CNBD1: variants seen among roughly 807,000 people sequenced by gnomAD.
The protein encoded by CNBD1 is cyclic nucleotide binding domain containing 1, also known as cyclic nucleotide-binding domain-containing protein 1.
CNBD1 carries 71 observed loss-of-function variants against 54.4 expected under a neutral mutation model. The ratio of observed to expected loss-of-function variants is 1.30; its 90% CI spans 1.08 to 1.59. CNBD1 has a LOEUF of 1.59. CNBD1 is among the 40% of genes most tolerant of loss of function. CNBD1 has a pLI of 0.00. For synonymous variants in CNBD1, 182 were observed against 170.7 expected (o/e 1.07, Z -0.51); for missense variants, 659 against 518.0 (o/e 1.27, Z -2.64).
At chr8:87,315,661 A>G (rs570552417) in intron 8 of CNBD1, among the ~76,000 whole-genome samples, 2 of 152,110 alleles carry the variant, frequency 1.3e-5, no homozygotes, top group African/African-American at 2.4e-5. Context: ...ATTAAGCTCA[A>G]CCTTCAACAT....
chr8:87,247,528 A>G (rs1230599881), intron 6 of CNBD1, among the ~76,000 whole-genome samples: 2 of 152,214 alleles, frequency 1.3e-5, no homozygotes, highest in African/African-American at 4.8e-5. Context: ...CCCTGGAGTG[A>G]CAGATTAAAT....
chr8:87,123,311 A>ATTATATCAAG (rs942346324), intron 4 of CNBD1, among the ~76,000 whole-genome samples: 1 of 151,796 alleles, frequency 6.6e-6, no homozygotes, highest in Admixed American at 6.6e-5. Flanking sequence ...AAGTATTTAA[A>ATTATATCAAG]TTATATCAAG....
chr8:86,877,266 A>G (rs538565186), intron 1 of CNBD1, among the ~76,000 whole-genome samples: 1 of 152,236 alleles, frequency 6.6e-6, no homozygotes, highest in South Asian at 2.1e-4. Context: ...TATTTATACT[A>G]TCTCCATTAT....
At chr8:86,935,505 A>G (rs1445213386) in intron 3 of CNBD1, among the ~76,000 whole-genome samples, 1 of 152,166 alleles carries the variant, frequency 6.6e-6, no homozygotes, top group African/African-American at 2.4e-5. Context: ...GTATTTGTTC[A>G]TCTAAATTTT....
intron 4 of CNBD1, among the ~76,000 whole-genome samples, chr8:87,136,566 TTATATTTATATTATATATAAATTA>T (rs1812232480): frequency 1.1e-5 from 1 of 94,086 alleles, no homozygotes; most frequent in Non-Finnish European, 2.0e-5. Context: ...AAATTATATA[TTATATTTATATTATATATAAATTA>T]TATATTATAT....
chr8:86,961,245 C>G (rs1440292769), intron 4 of CNBD1, among the ~76,000 whole-genome samples: 1 of 152,060 alleles, frequency 6.6e-6, no homozygotes, highest in African/African-American at 2.4e-5. Flanking sequence ...CTTTGTTTGC[C>G]CCAATAGACA....
At chr8:87,022,002 C>T (rs116625359) in intron 4 of CNBD1, among the ~76,000 whole-genome samples, 3,431 of 151,960 alleles carry the variant, frequency 0.023, 125 homozygotes, top group African/African-American at 0.079. Context: ...AACAGATAGG[C>T]GAGGAATTTG....
At chr8:86,894,034 A>ATTTTTTTTTTTTTTTTTTTTTTTTTT (rs1372102651) in intron 2 of CNBD1, among the ~76,000 whole-genome samples, 1 of 91,622 alleles carries the variant, frequency 1.1e-5, no homozygotes, top group African/African-American at 3.7e-5. Context: ...TTAATAGATT[A>ATTTTTTTTTTTTTTTTTTTTTTTTTT]ATTTTTTTTT....
intron 3 of CNBD1, among the ~76,000 whole-genome samples, chr8:86,922,722 C>T (rs1321268621): frequency 6.6e-6 from 1 of 152,096 alleles, no homozygotes. Context: ...AAGGAAGGTA[C>T]TTTCGTTTTA....
At chr8:87,325,578 G>C (rs968799675) in intron 8 of CNBD1, among the ~76,000 whole-genome samples, 6 of 132,202 alleles carry the variant, frequency 4.5e-5, no homozygotes, top group African/African-American at 1.9e-4. Flanking sequence ...TGTCTCTTTT[G>C]ATCTTTGTTG....
chr8:87,424,390 C>A (rs575675711), intron 2 of CNBD1, among the ~76,000 whole-genome samples: 101 of 152,170 alleles, frequency 6.6e-4, no homozygotes, highest in South Asian at 1.2e-3. Context: ...TTGGATCTTT[C>A]CTGCTTTCTC....
At chr8:87,103,156 C>T (rs985371281) in intron 4 of CNBD1, among the ~76,000 whole-genome samples, 1 of 152,100 alleles carries the variant, frequency 6.6e-6, no homozygotes, top group Non-Finnish European at 1.5e-5. Flanking sequence ...TGCCAAATAT[C>T]AGCATACAGA....
At chr8:87,199,850 A>G (rs1813816605) in intron 4 of CNBD1, among the ~76,000 whole-genome samples, 1 of 152,194 alleles carries the variant, frequency 6.6e-6, no homozygotes, top group Admixed American at 6.5e-5. Context: ...ATTTTTAAAA[A>G]TAATTAATGT....
intron 5 of CNBD1, among the ~76,000 whole-genome samples, chr8:87,215,666 C>A (rs1814194718): frequency 1.3e-5 from 2 of 151,534 alleles, no homozygotes; most frequent in Admixed American, 1.3e-4. Context: ...TTCAATGTAT[C>A]TTTACATATA....
intron 6 of CNBD1, among the ~76,000 whole-genome samples, chr8:87,258,143 G>A (rs961187565): frequency 2.0e-5 from 3 of 152,122 alleles, no homozygotes; most frequent in Non-Finnish European, 4.4e-5. Context: ...CCCAAAGTTA[G>A]AGATCAGAAA....
chr8:87,282,781 C>G, intron 6 of CNBD1, among the ~76,000 whole-genome samples: 1 of 151,738 alleles, frequency 6.6e-6, no homozygotes, highest in East Asian at 1.9e-4. Flanking sequence ...CTCCCTAAAA[C>G]AATAGATAAA....
At chr8:86,903,707 AGT>A (rs1328027256) in intron 2 of CNBD1, among the ~76,000 whole-genome samples, 9 of 152,102 alleles carry the variant, frequency 5.9e-5, no homozygotes, top group Admixed American at 5.9e-4. Flanking sequence ...GGGTCAATAA[AGT>A]ATCTCAAATA....
At chr8:87,046,738 C>T (rs1272827202) in intron 4 of CNBD1, among the ~76,000 whole-genome samples, 1 of 152,188 alleles carries the variant, frequency 6.6e-6, no homozygotes, top group Non-Finnish European at 1.5e-5. Context: ...TGGGACTCTA[C>T]ACACTAGGTG....
chr8:87,332,630 A>G (rs1220826263), intron 8 of CNBD1, among the ~76,000 whole-genome samples: 1 of 152,164 alleles, frequency 6.6e-6, no homozygotes, highest in Non-Finnish European at 1.5e-5. Flanking sequence ...TGTTTATTGT[A>G]GGGAATCCTT....
Sources: allele counts gnomAD v4.1 joint callset (sites outside exome capture counted in the v4.1 genomes callset), GRCh38; gene constraint gnomAD v4.1.1; transcripts MANE v1.5; gene names NCBI Gene and HGNC (gene_info 2026-07-23, HGNC 2026-07-21).